The following ST3GAL6 variants were observed in gnomAD, a reference collection of about 807,000 sequenced individuals.
The protein encoded by ST3GAL6 is type 2 lactosamine alpha-2,3-sialyltransferase.
ST3GAL6 carries 31 observed loss-of-function variants against 40.5 expected under a neutral mutation model. The observed-to-expected ratio is 0.77, with a 90% CI of 0.58 to 1.03. The LOEUF (loss-of-function observed/expected upper bound fraction) is 1.03. ST3GAL6 is among the 50% of genes least tolerant of loss of function. ST3GAL6 has a pLI of 0.00. For synonymous variants in ST3GAL6, 129 were observed against 136.9 expected, an observed-to-expected ratio of 0.94 and a Z score of 0.40; for missense variants, 357 against 393.2, an observed-to-expected ratio of 0.91 and a Z score of 0.78.
chr3:98,772,952 T>C (rs1319671923), intron 4 of ST3GAL6, 36 bp downstream of exon 4: 1 of 1,357,636 alleles, frequency 7.4e-7, no homozygotes. Flanking sequence ...TCTGTTAAAT[T>C]TGAGTGGTGT....
chr3:98,766,311 G>GACCTTC (rs1311920821), intron 1 of ST3GAL6, among the ~76,000 whole-genome samples: 2 of 150,036 alleles, frequency 1.3e-5, no homozygotes, highest in African/African-American at 4.9e-5. Flanking sequence ...TCTTTCCCTA[G>GACCTTC]ACCTTCATAT....
intron 1 of ST3GAL6, chr3:98,733,529 C>T (rs1935245195): frequency 8.1e-6 from 8 of 985,694 alleles, no homozygotes; most frequent in African/African-American, 7.0e-5. Flanking sequence ...ACCCTTTTTC[C>T]CTCCACAATG....
chr3:98,753,447 G>T (rs1331051443), intron 1 of ST3GAL6, among the ~76,000 whole-genome samples: 1 of 152,224 alleles, frequency 6.6e-6, no homozygotes, highest in Non-Finnish European at 1.5e-5. Context: ...TAAGATAAAT[G>T]ATGAAGGTGG....
intron 2 of ST3GAL6, among the ~76,000 whole-genome samples, chr3:98,770,050 C>G (rs893801910): frequency 3.9e-5 from 6 of 151,994 alleles, no homozygotes; most frequent in Non-Finnish European, 7.4e-5. Context: ...GATTTTGTAC[C>G]CACAAAAATG....
chr3:98,738,222 C>T (rs1395427787), intron 1 of ST3GAL6, among the ~76,000 whole-genome samples: 1 of 151,806 alleles, frequency 6.6e-6, no homozygotes, highest in Non-Finnish European at 1.5e-5. Flanking sequence ...CCTGAAGAAC[C>T]GTGAGCCAAT....
upstream of ST3GAL6, among the ~76,000 whole-genome samples, chr3:98,761,395 G>A (rs112100903): frequency 8.5e-4 from 129 of 152,270 alleles, no homozygotes; most frequent in African/African-American, 3.1e-3. Context: ...ATCACTTGAG[G>A]TTAGGAGTTC....
intron 3 of ST3GAL6, chr3:98,771,251 T>G: frequency 1.0e-6 from 1 of 957,442 alleles, no homozygotes; most frequent in East Asian, 5.1e-5. Context: ...CTTTAGGGTT[T>G]TATTTTTCCC....
chr3:98,752,875 G>A (rs1028385864), intron 1 of ST3GAL6, among the ~76,000 whole-genome samples: 5 of 152,092 alleles, frequency 3.3e-5, no homozygotes, highest in African/African-American at 1.2e-4. Flanking sequence ...TGTTCTGAAT[G>A]GACCACCGAC....
rs71120599 is a variant in ST3GAL6 at position 98,743,000 on chromosome 3, C to CTT, written c.-12+10491_-12+10492dup. 8.3e-3 allele frequency among the ~76,000 whole-genome samples: 743 copies of CTT among 89,416 alleles called. 8 individuals are homozygous for CTT. The highest frequency in any genetic ancestry group is 0.011 in the Middle Eastern group (1 of 88). 58.7% of individuals were successfully genotyped at this position (89,416 alleles called of 152,430 possible). On this transcript the variant is annotated intron_variant, in intron 1 of 9. Transcript: ENST00000265261. ...CAGGCATAAGCCACCATGCCAGGCTCTTTTTTTTTTTTTTTTTTTTTTTTC... is the reference window on the plus strand; with the variant it reads ...CAGGCATAAGCCACCATGCCAGGCTCTTTTTTTTTTTTTTTTTTTTTTTTTTC...
At chr3:98,769,651 C>T (rs1041528824) in intron 2 of ST3GAL6, among the ~76,000 whole-genome samples, 1 of 152,206 alleles carries the variant, frequency 6.6e-6, no homozygotes, top group South Asian at 2.1e-4. Flanking sequence ...GACCATGTCA[C>T]TCCTCAGCTA....
At chr3:98,764,720 T>C (rs1475470688) in intron 1 of ST3GAL6, among the ~76,000 whole-genome samples, 1 of 152,202 alleles carries the variant, frequency 6.6e-6, no homozygotes, top group African/African-American at 2.4e-5. Flanking sequence ...GGTTTCCTCC[T>C]CTACAAAATA....
intron 8 of ST3GAL6, 105 bp downstream of exon 8, chr3:98,788,568 T>C (rs1392180820): frequency 1.4e-5 from 15 of 1,087,526 alleles, no homozygotes; most frequent in Non-Finnish European, 1.9e-5. Context: ...GCTCATGAGA[T>C]GATTTCTGAG....
At chr3:98,770,070 G>A (rs1938804232) in intron 2 of ST3GAL6, among the ~76,000 whole-genome samples, 1 of 152,170 alleles carries the variant, frequency 6.6e-6, no homozygotes, top group African/African-American at 2.4e-5. Context: ...GGAAAATTGT[G>A]TCTGTCCATG....
chr3:98,791,238 A>G (rs1034571985), intron 8 of ST3GAL6, among the ~76,000 whole-genome samples: 5 of 152,148 alleles, frequency 3.3e-5, no homozygotes, highest in African/African-American at 7.2e-5. Context: ...TAAAAGTATA[A>G]TGGTGCAGCT....
chr3:98,733,565 C>T (rs1935248849), intron 1 of ST3GAL6: 2 of 985,348 alleles, frequency 2.0e-6, no homozygotes, highest in South Asian at 4.7e-5. Context: ...AAACAAGCTC[C>T]GAGGCAGTTT....
intron 5 of ST3GAL6, among the ~76,000 whole-genome samples, 159 bp from the exon 6 acceptor site, chr3:98,784,786 C>CT: frequency 6.6e-6 from 1 of 152,246 alleles, no homozygotes; most frequent in Non-Finnish European, 1.5e-5. Context: ...AATCTTGTAT[C>CT]TTTTTAATAC....
At chr3:98,768,800 A>G (rs562388829) in intron 2 of ST3GAL6, among the ~76,000 whole-genome samples, 45 of 152,308 alleles carry the variant, frequency 3.0e-4, no homozygotes, top group Non-Finnish European at 5.4e-4. Context: ...TCTTTATGCT[A>G]TAGATCATCT....
At chr3:98,743,013 T>C (rs979127764) in intron 1 of ST3GAL6, among the ~76,000 whole-genome samples, 1 of 144,376 alleles carries the variant, frequency 6.9e-6, no homozygotes, top group African/African-American at 2.7e-5. Context: ...TTTTTTTTTT[T>C]TTTTTTTTTT....
intron 1 of ST3GAL6, among the ~76,000 whole-genome samples, chr3:98,747,134 A>G (rs1225619284): frequency 6.6e-6 from 1 of 152,188 alleles, no homozygotes; most frequent in Non-Finnish European, 1.5e-5. Context: ...ACACAGAACA[A>G]AGCATTCCAG....
Sources: gnomAD v4.1 joint callset for allele counts (sites outside exome capture counted in the v4.1 genomes callset) on GRCh38, gnomAD v4.1.1 for gene constraint, MANE v1.5 for transcripts, NCBI Gene and HGNC (gene_info 2026-07-23, HGNC 2026-07-21) for gene names.